Variants in RARB observed in about 807,000 individuals in gnomAD.
The protein encoded by RARB is retinoic acid receptor beta.
Under a neutral mutation model 51.9 loss-of-function variants are expected in RARB, and 17 were observed. That is an observed-to-expected ratio of 0.33 (90% CI 0.22 to 0.49). The LOEUF is 0.49. RARB is among the 20% of genes least tolerant of loss of function. RARB has a pLI of 0.99. For synonymous variants in RARB, 215 were observed against 195.4 expected (o/e 1.10, Z -0.84); for missense variants, 369 against 550.8 (o/e 0.67, Z 3.30).
intron 2 of RARB, among the ~76,000 whole-genome samples, chr3:25,038,828 C>G (rs1177058112): frequency 6.6e-6 from 1 of 152,058 alleles, no homozygotes; most frequent in Non-Finnish European, 1.5e-5. Context: ...TATTGCCAAC[C>G]TCTGGGTATG....
At chr3:25,368,136 A>G (rs1706186214) in intron 5 of RARB, among the ~76,000 whole-genome samples, 1 of 152,180 alleles carries the variant, frequency 6.6e-6, no homozygotes, top group Non-Finnish European at 1.5e-5. Context: ...ATGAAATGAT[A>G]ATGGCAGTAA....
chr3:25,130,886 TA>T (rs1559477420), intron 3 of RARB, among the ~76,000 whole-genome samples: 1 of 146,094 alleles, frequency 6.8e-6, no homozygotes, highest in Non-Finnish European at 1.5e-5. Context: ...CAATATTTAT[TA>T]TTGATAATAT....
chr3:25,343,026 G>GTGTGTGTGTGTA (rs1452625221), intron 5 of RARB, among the ~76,000 whole-genome samples: 1 of 22,674 alleles, frequency 4.4e-5, no homozygotes, highest in Non-Finnish European at 1.6e-4. Flanking sequence ...CAAGTACTTT[G>GTGTGTGTGTGTA]TGTGTGTGTG....
intron 5 of RARB, among the ~76,000 whole-genome samples, chr3:25,338,096 AACACACACACACACACACACACAC>A (rs10523484): frequency 0.098 from 14,166 of 144,036 alleles, 801 homozygotes; most frequent in South Asian, 0.21. Flanking sequence ...CCAAACCCCC[AACACACACACACACACACACACAC>A]ACACACACAC....
intron 2 of RARB, among the ~76,000 whole-genome samples, chr3:25,030,195 A>G (rs1697841984): frequency 6.6e-6 from 1 of 152,232 alleles, no homozygotes; most frequent in South Asian, 2.1e-4. Context: ...ATTGAGAAAG[A>G]CAGGGGAGAG....
intron 2 of RARB, among the ~76,000 whole-genome samples, chr3:24,974,258 T>G (rs934850766): frequency 3.9e-5 from 6 of 152,108 alleles, no homozygotes; most frequent in African/African-American, 1.4e-4. Flanking sequence ...ATATGTTGAA[T>G]TATTCTTGCA....
At position 24,913,141 on chromosome 3, in the gene RARB, C is replaced by T. The variant is rs547341722; in HGVS notation, c.-380+54389C>T. ...GACTACAGGCACCCGCCACCACGCCCGGCTAATTTTGTTTTTGTATTTTTA... is the reference window on the plus strand; with the variant it reads ...GACTACAGGCACCCGCCACCACGCCTGGCTAATTTTGTTTTTGTATTTTTA... On this transcript the variant is annotated intron_variant, in intron 2 of 11. Coordinates refer to the RARB transcript ENST00000383772. Among the ~76,000 whole-genome samples the T allele has an allele frequency of 5.3e-5, 8 of 151,570 alleles. No individual in the cohort carries two copies. In the East Asian group the frequency reaches 7.8e-4, roughly 15 times the overall value.
At chr3:25,438,381 C>T (rs540966849) in intron 1 of RARB, among the ~76,000 whole-genome samples, 4 of 152,242 alleles carry the variant, frequency 2.6e-5, no homozygotes, top group Non-Finnish European at 5.9e-5. Flanking sequence ...AGAATGTCCA[C>T]CATAACAATC....
At chr3:24,900,209 G>A (rs948617650) in intron 2 of RARB, among the ~76,000 whole-genome samples, 3 of 152,194 alleles carry the variant, frequency 2.0e-5, no homozygotes, top group East Asian at 3.9e-4. Context: ...AATGGAAAAT[G>A]TCTGCAGCGT....
chr3:25,296,096 C>T (rs953994747), intron 5 of RARB, among the ~76,000 whole-genome samples: 5 of 152,066 alleles, frequency 3.3e-5, no homozygotes, highest in South Asian at 4.1e-4. Flanking sequence ...CCTAATCTTA[C>T]ATAATAGAAT....
At chr3:24,866,048 G>A (rs953583596) in intron 2 of RARB, among the ~76,000 whole-genome samples, 15 of 152,098 alleles carry the variant, frequency 9.9e-5, no homozygotes, top group African/African-American at 3.6e-4. Flanking sequence ...GGTCCTGAAT[G>A]CCACAGGGAT....
intron 2 of RARB, among the ~76,000 whole-genome samples, chr3:24,917,884 TAAGTA>T (rs1288779914): frequency 2.0e-5 from 3 of 152,200 alleles, no homozygotes; most frequent in Non-Finnish European, 2.9e-5. Flanking sequence ...AGAATGATTA[TAAGTA>T]AAGAGACAAA....
At chr3:25,481,862 A>G (rs1454447736) in intron 2 of RARB, among the ~76,000 whole-genome samples, 1 of 152,222 alleles carries the variant, frequency 6.6e-6, no homozygotes, top group Non-Finnish European at 1.5e-5. Flanking sequence ...TTGACTGCTT[A>G]TGCTCTGCCA....
intron 3 of RARB, among the ~76,000 whole-genome samples, chr3:25,063,723 T>C (rs1266961437): frequency 6.7e-6 from 1 of 149,698 alleles, no homozygotes. Flanking sequence ...TTTTTTTTTT[T>C]TTAAAAAGAT....
At chr3:24,919,675 T>C (rs1695179253) in intron 2 of RARB, among the ~76,000 whole-genome samples, 1 of 152,202 alleles carries the variant, frequency 6.6e-6, no homozygotes. Flanking sequence ...CTAAGGTTTC[T>C]TTTTGAACAG....
intron 2 of RARB, among the ~76,000 whole-genome samples, chr3:24,946,540 A>G (rs1430146073): frequency 6.6e-6 from 1 of 151,986 alleles, no homozygotes; most frequent in Non-Finnish European, 1.5e-5. Context: ...TGTGTGCTTA[A>G]AAAACCTAGA....
At chr3:25,376,371 A>G (rs867758100) in intron 5 of RARB, among the ~76,000 whole-genome samples, 31 of 152,220 alleles carry the variant, frequency 2.0e-4, no homozygotes, top group South Asian at 4.1e-4. Flanking sequence ...TCAAAATACT[A>G]TCTTTTGTTA....
At chr3:24,959,992 A>G (rs926438865) in intron 2 of RARB, among the ~76,000 whole-genome samples, 2 of 152,224 alleles carry the variant, frequency 1.3e-5, no homozygotes, top group African/African-American at 4.8e-5. Flanking sequence ...AGTCCATCCA[A>G]TCCCAAGACA....
intron 1 of RARB, among the ~76,000 whole-genome samples, chr3:24,832,716 C>G (rs1217658256): frequency 6.8e-6 from 1 of 146,414 alleles, no homozygotes; most frequent in Non-Finnish European, 1.5e-5. Flanking sequence ...AATGCAATAA[C>G]ATATGAGAAG....
Sources: allele counts gnomAD v4.1 joint callset (sites outside exome capture counted in the v4.1 genomes callset), GRCh38; gene constraint gnomAD v4.1.1; transcripts MANE v1.5; gene names NCBI Gene and HGNC (gene_info 2026-07-23, HGNC 2026-07-21).